EFCAB6: variants seen among roughly 807,000 people sequenced by gnomAD.
EFCAB6 encodes EF-hand calcium binding domain 6.
A neutral mutation model predicts 169.8 loss-of-function variants in EFCAB6; 156 were observed. The observed-to-expected ratio is 0.92, with a 90% CI of 0.81 to 1.05. EFCAB6 has a LOEUF of 1.05. EFCAB6 is among the 50% of genes least tolerant of loss of function. The pLI, the probability that EFCAB6 is intolerant of heterozygous loss-of-function variation, is 0.00. For synonymous variants in EFCAB6, 698 were observed against 676.4 expected (o/e 1.03, Z -0.50); for missense variants, 1,800 against 1,829.1 (o/e 0.98, Z 0.29).
intron 31 of EFCAB6, among the ~76,000 whole-genome samples, chr22:43,529,394 A>G (rs1172302575): frequency 2.6e-5 from 4 of 152,184 alleles, no homozygotes; most frequent in African/African-American, 9.7e-5. Flanking sequence ...AGTTGCTGTG[A>G]TAAGACCGTA....
intron 30 of EFCAB6, among the ~76,000 whole-genome samples, chr22:43,534,348 C>T (rs1021987022): frequency 3.3e-5 from 5 of 152,214 alleles, no homozygotes; most frequent in African/African-American, 1.2e-4. Flanking sequence ...TTTCCTGAGG[C>T]CTCCCCAGCC....
intron 8 of EFCAB6, among the ~76,000 whole-genome samples, chr22:43,727,190 GT>G (rs927615502): frequency 8.2e-4 from 125 of 152,340 alleles, no homozygotes; most frequent in African/African-American, 2.9e-3. Flanking sequence ...GGGAGGCTGA[GT>G]GAGGCAAGAG....
chr22:43,540,468 C>T (rs769830957), intron 27 of EFCAB6, 111 bp from the exon 28 acceptor site: 18 of 1,573,180 alleles, frequency 1.1e-5, no homozygotes, highest in Admixed American at 7.2e-5. Flanking sequence ...TGAGCACTCA[C>T]GTGACTGGTG....
chr22:43,554,767 T>A lies in EFCAB6; in HGVS notation c.3648+102A>T, dbSNP rs2048598499. On this transcript the variant is annotated intron_variant, in intron 27 of 31. Transcript: ENST00000262726. ...ACAAAATAACAAAACTGCAAGCATT[T>A]TAAAAATAGAGAACAGTCTTAAACT... The A allele has an allele frequency of 4.9e-6, 5 of 1,013,930 alleles. No homozygotes were observed. In the South Asian group the frequency reaches 7.8e-5, roughly 16 times the overall value. The allele number at this position is 1,013,930 out of a possible 1,614,324, so 62.8% of individuals were successfully genotyped here.
At chr22:43,670,389 T>G (rs1392516910) in intron 15 of EFCAB6, among the ~76,000 whole-genome samples, 1 of 152,188 alleles carries the variant, frequency 6.6e-6, no homozygotes, top group East Asian at 1.9e-4. Context: ...TCCCTACCTT[T>G]GCTCTGCCTC....
At chr22:43,728,423 A>G (rs1206833348) in intron 8 of EFCAB6, among the ~76,000 whole-genome samples, 1 of 152,212 alleles carries the variant, frequency 6.6e-6, no homozygotes, top group Non-Finnish European at 1.5e-5. Flanking sequence ...TTGGGTATAT[A>G]CCCATTAATG....
chr22:43,743,104 AT>A (rs770251415), intron 6 of EFCAB6, among the ~76,000 whole-genome samples: 9 of 152,288 alleles, frequency 5.9e-5, no homozygotes, highest in Non-Finnish European at 1.0e-4. Flanking sequence ...AAAAATAAAA[AT>A]AACAAATTTT....
At chr22:43,725,546 A>G (rs892982109) in intron 8 of EFCAB6, among the ~76,000 whole-genome samples, 1 of 152,226 alleles carries the variant, frequency 6.6e-6, no homozygotes, top group African/African-American at 2.4e-5. Flanking sequence ...ACATCTCTTA[A>G]AACTGTTACA....
intron 10 of EFCAB6, among the ~76,000 whole-genome samples, chr22:43,688,939 T>C (rs939187923): frequency 1.3e-5 from 2 of 152,360 alleles, no homozygotes; most frequent in Admixed American, 1.3e-4. Context: ...ACAAATTCTT[T>C]ATCTACATCT....
At chr22:43,661,186 G>A (rs1439025617) in intron 17 of EFCAB6, among the ~76,000 whole-genome samples, 1 of 152,116 alleles carries the variant, frequency 6.6e-6, no homozygotes, top group Admixed American at 6.6e-5. Context: ...AGTGGCCGGG[G>A]CAACATAGTG....
intron 22 of EFCAB6, among the ~76,000 whole-genome samples, chr22:43,602,526 A>C (rs1369319425): frequency 2.6e-5 from 4 of 152,146 alleles, no homozygotes; most frequent in African/African-American, 9.7e-5. Context: ...TTGAGCTTCT[A>C]GGGTGATCCC....
Position 43,706,822 on chromosome 22 carries a change from C to A in EFCAB6, c.1031+4653G>T, listed in dbSNP as rs138427023. 4.2e-3 allele frequency among the ~76,000 whole-genome samples: 643 copies of A among 152,344 alleles called. 2 individuals carry two copies. The highest frequency in any genetic ancestry group is 0.027 in the Middle Eastern group (8 of 294). ...TGTTTACTATAAAAGGCATTGCTAA[C>A]TTCCCAGCCAGCACGAACACATTAA... On this transcript the variant is annotated intron_variant, in intron 10 of 31. Coordinates refer to ENST00000262726, the MANE Select transcript of EFCAB6 (RefSeq NM_022785.4).
chr22:43,749,038 T>C (rs1447280979), intron 6 of EFCAB6, among the ~76,000 whole-genome samples: 2 of 151,996 alleles, frequency 1.3e-5, no homozygotes, highest in Admixed American at 6.6e-5. Flanking sequence ...CCAGCAACAA[T>C]GGTGGCTTAG....
At chr22:43,735,344 TCCTGCCGCACACC>T (rs1286633589) in intron 7 of EFCAB6, among the ~76,000 whole-genome samples, 24 of 78,976 alleles carry the variant, frequency 3.0e-4, no homozygotes, top group Non-Finnish European at 5.2e-4. Context: ...CACCCCACCC[TCCTGCCGCACACC>T]CCTCCACCTC....
intron 26 of EFCAB6, among the ~76,000 whole-genome samples, chr22:43,566,460 C>T (rs759628620): frequency 2.2e-4 from 33 of 152,226 alleles, no homozygotes; most frequent in Non-Finnish European, 4.4e-4. Context: ...GGCCTTCCTT[C>T]CTGCGTCTCC....
At position 43,781,638 on chromosome 22, in the gene EFCAB6, G is replaced by A. The variant is rs372963384; in HGVS notation, c.139+542C>T. Among the ~76,000 whole-genome samples the A allele has an allele frequency of 6.4e-4, 98 of 152,166 alleles. 3 individuals carry two copies. In the South Asian group the frequency reaches 0.02, roughly 31 times the overall value. On this transcript the variant is annotated intron_variant, in intron 3 of 31. Transcript: ENST00000262726. ...AGCCACTGTGCCTGGTCAATACACG[G>A]CATTTTATACATTTGTCTAAAACTA...
intron 10 of EFCAB6, among the ~76,000 whole-genome samples, chr22:43,690,972 A>T (rs963043471): frequency 4.0e-5 from 6 of 151,898 alleles, no homozygotes; most frequent in Non-Finnish European, 5.9e-5. Flanking sequence ...TTTAAATATT[A>T]TTATTATTAT....
At chr22:43,564,828 T>C (rs2049318670) in intron 26 of EFCAB6, among the ~76,000 whole-genome samples, 1 of 152,212 alleles carries the variant, frequency 6.6e-6, no homozygotes. Context: ...TTCCACCAAA[T>C]TGTATCCTGA....
At chr22:43,730,274 G>T (rs2147604187) in intron 8 of EFCAB6, among the ~76,000 whole-genome samples, 1 of 107,946 alleles carries the variant, frequency 9.3e-6, no homozygotes, top group Non-Finnish European at 2.0e-5. Context: ...GAGCGAGGGA[G>T]GGAGGGATGG....
Sources: allele counts gnomAD v4.1 joint callset (sites outside exome capture counted in the v4.1 genomes callset), GRCh38; gene constraint gnomAD v4.1.1; transcripts MANE v1.5; gene names NCBI Gene and HGNC (gene_info 2026-07-23, HGNC 2026-07-21).